Variants in MCM5 observed in about 807,000 individuals in gnomAD.
MCM5 encodes DNA replication licensing factor MCM5.
In MCM5, 46 loss-of-function variants were observed where a neutral mutation model predicts 79.9. The observed-to-expected ratio is 0.58, with a 90% CI of 0.45 to 0.74. The LOEUF (loss-of-function observed/expected upper bound fraction) is 0.74, where lower values mean the gene tolerates loss of function less well. Among genes scored for constraint, MCM5 ranks in the 30% least tolerant of loss-of-function variants. The pLI is 0.00. For missense variants in MCM5, 883 were observed against 1,017.0 expected, an observed-to-expected ratio of 0.87 and a Z score of 1.79; for synonymous variants, 404 against 390.5, an observed-to-expected ratio of 1.03 and a Z score of -0.41.
chr22:35,424,664 T>G lies in MCM5; in HGVS notation c.*409T>G, dbSNP rs1297720440. 6.2e-6 allele frequency: 1 copy of G among 160,030 alleles called. No homozygotes were observed. The highest frequency in any genetic ancestry group is 1.4e-5 in the Non-Finnish European group (1 of 73,348). 9.9% of individuals were successfully genotyped at this position (160,030 alleles called of 1,614,324 possible). A position where few individuals can be genotyped will look rare whatever the true frequency, so the allele number is the denominator to read the frequency against. On this transcript the variant is annotated 3_prime_UTR_variant, in exon 17 of 17. Transcript: ENST00000216122. Reference sequence around the variant, plus strand: ...CACGTGACTTGAGTGCTCCGGTTTCTTCATCTGTTTAGCGGGGCTCATAAA... The same window carrying G: ...CACGTGACTTGAGTGCTCCGGTTTCGTCATCTGTTTAGCGGGGCTCATAAA...
At chr22:35,438,243 A>G in the MCM5 span, among the ~76,000 whole-genome samples, 1 of 50,810 alleles carries the variant, frequency 2.0e-5, no homozygotes, top group Non-Finnish European at 3.6e-5. Flanking sequence ...ACCCACCCAC[A>G]TATTCATCCA....
intron 12 of MCM5, 57 bp from the exon 13 acceptor site, chr22:35,417,687 T>G: frequency 5.6e-6 from 7 of 1,246,562 alleles, no homozygotes; most frequent in Non-Finnish European, 8.3e-6. Flanking sequence ...ACCTCAGTGC[T>G]GGGACTCAGG....
chr22:35,436,131 T>C, the MCM5 span, among the ~76,000 whole-genome samples: 1 of 132,164 alleles, frequency 7.6e-6, no homozygotes. Flanking sequence ...ACCACTGCAC[T>C]CCAGCCTGGG....
chr22:35,423,423 C>G, intron 16 of MCM5, 82 bp downstream of exon 16: 1 of 1,456,110 alleles, frequency 6.9e-7, no homozygotes, highest in Non-Finnish European at 9.2e-7. Context: ...GCACTGGCAT[C>G]TTACTCAGCA....
Position 35,419,864 on chromosome 22 carries a change from C to G in MCM5, c.1704-20C>G, listed in dbSNP as rs758484995. On this transcript the variant is annotated intron_variant, in intron 13 of 16. Coordinates refer to ENST00000216122, the MANE Select transcript of MCM5 (RefSeq NM_006739.4). ...GAGTCCCTCCTGGCCTCACACCAGC[C>G]TCTCCCCACTGTCCTGCAGGAAGTG... 1.3e-6 allele frequency: 2 copies of G among 1,596,808 alleles called. No homozygotes were observed. The highest frequency in any genetic ancestry group is 1.7e-6 in the Non-Finnish European group (2 of 1,169,982).
chr22:35,415,916 G>A lies in MCM5; in HGVS notation c.1291G>A (p.Gly431Ser). The change falls in exon 10 of 17, where the codon GGC (glycine) becomes AGC (serine). Residue 431 changes from glycine (G) to serine (S), a missense_variant. Gly to Ser is a moderately conservative substitution (Grantham distance 56, BLOSUM62 0). This residue lies in a region of MCM5 where 426 missense variants were observed against 482.3 expected (regional missense o/e 0.88). Coordinates refer to ENST00000216122, the MANE Select transcript of MCM5 (RefSeq NM_006739.4). ...DPSSRNFIME[G>S]GAMVLADGGV... ...TTCGTCCCGGAATTTCATCATGGAG[G>A]GCGGAGCCATGGTCCTGGCCGATGG... 3.1e-6 allele frequency: 5 copies of A among 1,614,184 alleles called. No individual in the cohort carries two copies. The highest frequency in any genetic ancestry group is 4.2e-6 in the Non-Finnish European group (5 of 1,180,038).
At chr22:35,423,448 G>A (rs1043071398) in intron 16 of MCM5, 107 bp downstream of exon 16, 20 of 1,305,678 alleles carry the variant, frequency 1.5e-5, no homozygotes, top group African/African-American at 1.0e-4. Context: ...GGCCCTGAAC[G>A]GGGGTAGGAT....
At chr22:35,430,934 A>T in the MCM5 span, among the ~76,000 whole-genome samples, 1 of 151,274 alleles carries the variant, frequency 6.6e-6, no homozygotes, top group East Asian at 1.9e-4. Flanking sequence ...AATTTTTTTG[A>T]TGAATGAGGG....
Position 35,416,665 on chromosome 22 carries a change from C to T in MCM5, c.1441C>T (p.Arg481Cys), listed in dbSNP as rs747230146. 15 of 1,613,950 alleles carry T rather than the reference C, an allele frequency of 9.3e-6. No individual in the cohort carries two copies. The highest frequency in any genetic ancestry group is 3.3e-5 in the Admixed American group (2 of 59,980). The change falls in exon 12 of 17, where the codon CGC becomes TGC. Residue 481 changes from arginine (R) to cysteine (C), a missense_variant. Physicochemically the swap from Arg to Cys is radical, Grantham distance 180. Around this residue, in one of 3 missense-constraint regions of MCM5, gnomAD observed 426 missense variants for 482.3 expected, o/e 0.88. Transcript: ENST00000216122. ...TGGGATCACCACCACCCTGAACTCC[C>T]GCTGCTCCGTCCTGGCTGCTGCCAA... ...KAGITTTLNS[R>C]CSVLAAANSV...
chr22:35,454,954 T>C, the MCM5 span, among the ~76,000 whole-genome samples: 5 of 152,036 alleles, frequency 3.3e-5, no homozygotes, highest in Admixed American at 6.6e-5. Flanking sequence ...AGAGACAAAA[T>C]TGGCCCTGGT....
rs749102861 is a variant in MCM5, at chr22:35,419,894, C to T, written c.1714C>T (p.Pro572Ser). 1.9e-6 allele frequency: 3 copies of T among 1,611,872 alleles called. No individual in the cohort carries two copies. Among genetic ancestry groups the T allele is most frequent in the Non-Finnish European group, 2.5e-6 (3 of 1,178,878 alleles). The change falls in exon 14 of 17, where the codon CCC becomes TCC. Residue 572 changes from proline to serine, a missense_variant. This residue lies in a region of MCM5 where 426 missense variants were observed against 482.3 expected (regional missense o/e 0.88). Coordinates refer to ENST00000216122, the MANE Select transcript of MCM5 (RefSeq NM_006739.4). The part of the protein sequence containing the change: ...FIAYCRVKCG[P>S]RLSAEAAEKL... ...CCCACTGTCCTGCAGGAAGTGTGGC[C>T]CCCGGCTGTCAGCAGAGGCTGCAGA...
the MCM5 span, among the ~76,000 whole-genome samples, chr22:35,434,795 C>T: frequency 1.8e-4 from 27 of 152,292 alleles, no homozygotes; most frequent in Non-Finnish European, 2.8e-4. Flanking sequence ...CTGGGAAGGA[C>T]GCACAACTGT....
At chr22:35,430,214 G>T (rs978779299), downstream of MCM5, among the ~76,000 whole-genome samples, 9 of 152,214 alleles carry the variant, frequency 5.9e-5, no homozygotes, top group African/African-American at 2.2e-4. Context: ...TGGCCTGAGT[G>T]TGACACCTAA....
downstream of MCM5, among the ~76,000 whole-genome samples, chr22:35,429,816 C>T (rs1013559404): frequency 1.3e-5 from 2 of 152,310 alleles, no homozygotes; most frequent in Non-Finnish European, 1.5e-5. Flanking sequence ...CCTGTGCCAC[C>T]GTGCCCAGCC....
chr22:35,413,696 T>G (rs1486710643), intron 8 of MCM5, among the ~76,000 whole-genome samples, 179 bp from the exon 9 acceptor site: 1 of 152,182 alleles, frequency 6.6e-6, no homozygotes, highest in Non-Finnish European at 1.5e-5. Flanking sequence ...TACCATGGTT[T>G]GGGAACTACA....
intron 10 of MCM5, 77 bp downstream of exon 10, chr22:35,416,049 A>G: frequency 6.5e-7 from 1 of 1,540,848 alleles, no homozygotes; most frequent in Non-Finnish European, 8.9e-7. Flanking sequence ...CAGCCAGCAG[A>G]AATCACCTCT....
chr22:35,429,352 C>T (rs1932798335), downstream of MCM5, among the ~76,000 whole-genome samples: 1 of 152,004 alleles, frequency 6.6e-6, no homozygotes, highest in Non-Finnish European at 1.5e-5. Context: ...ATTGAGGCTA[C>T]AAGACTTTGA....
intron 6 of MCM5, among the ~76,000 whole-genome samples, chr22:35,409,108 G>A (rs188184130): frequency 1.3e-5 from 2 of 152,278 alleles, no homozygotes; most frequent in African/African-American, 4.8e-5. Flanking sequence ...GACTACAGGC[G>A]CCCTCCACCA....
chr22:35,423,327 G>C lies in MCM5; in HGVS notation c.2089G>C (p.Asp697His). ...GGTGTCTGAGCACAGCATCATCAAG[G>C]ACTTCACCAAGCAGGTGAGCCTGCC... The part of the protein sequence containing the change: ...SQVSEHSIIK[D>H]FTKQKYPEHA... The change falls in exon 16 of 17, where the codon GAC becomes CAC. Residue 697 changes from aspartate to histidine, a missense_variant. By Grantham distance (81) the Asp-to-His change is moderately conservative. Coordinates refer to ENST00000216122, the MANE Select transcript of MCM5 (RefSeq NM_006739.4). The C allele has an allele frequency of 6.2e-7, 1 of 1,603,552 alleles. No homozygotes were observed. The highest frequency in any genetic ancestry group is 8.5e-7 in the Non-Finnish European group (1 of 1,173,096).
Sources: gnomAD v4.1 joint callset for allele counts (sites outside exome capture counted in the v4.1 genomes callset) on GRCh38, gnomAD v4.1.1 for gene constraint, gnomAD v4.1.1 regional missense constraint, MANE v1.5 for transcripts, NCBI Gene and HGNC (gene_info 2026-07-23, HGNC 2026-07-21) for gene names.